The following ASAP1 variants were observed in gnomAD, a reference collection of about 807,000 sequenced individuals.
The protein encoded by ASAP1 is arf-GAP with SH3 domain, ANK repeat and PH domain-containing protein 1.
Under a neutral mutation model 145.2 loss-of-function variants are expected in ASAP1, and 43 were observed. That is an observed-to-expected ratio of 0.30 (90% CI 0.23 to 0.38). The LOEUF is 0.38. Ranked by LOEUF, ASAP1 falls within the 10% of genes least tolerant of loss-of-function variation. The pLI is 1.00. For synonymous variants in ASAP1, 546 were observed against 515.5 expected, an observed-to-expected ratio of 1.06 and a Z score of -0.80; for missense variants, 1,018 against 1,355.3, an observed-to-expected ratio of 0.75 and a Z score of 3.91.
intron 9 of ASAP1, among the ~76,000 whole-genome samples, chr8:130,174,032 G>C (rs936453199): frequency 6.3e-5 from 9 of 143,906 alleles, no homozygotes; most frequent in African/African-American, 2.1e-4. Context: ...AGGGTGCAGT[G>C]AGCAGAAATC....
chr8:130,399,024 G>T (rs753647457), intron 2 of ASAP1, among the ~76,000 whole-genome samples: 36 of 152,214 alleles, frequency 2.4e-4, no homozygotes, highest in Non-Finnish European at 3.2e-4. Flanking sequence ...TGTAGCCAGA[G>T]AACTAAATTC....
At chr8:130,251,377 C>T (rs867706361) in intron 3 of ASAP1, among the ~76,000 whole-genome samples, 19 of 152,088 alleles carry the variant, frequency 1.2e-4, no homozygotes, top group African/African-American at 4.6e-4. Flanking sequence ...GAGGTAGAGC[C>T]ACTGCTCTCA....
chr8:130,138,591 C>T (rs1233961456), intron 13 of ASAP1, among the ~76,000 whole-genome samples: 1 of 152,094 alleles, frequency 6.6e-6, no homozygotes, highest in African/African-American at 2.4e-5. Flanking sequence ...AATCCCAGCA[C>T]TTTGAAAGGC....
intron 1 of ASAP1, among the ~76,000 whole-genome samples, chr8:130,436,676 C>T (rs1830323632): frequency 6.6e-6 from 1 of 152,176 alleles, no homozygotes; most frequent in Non-Finnish European, 1.5e-5. Flanking sequence ...GTGGCTCATG[C>T]TGGTAATCCC....
chr8:130,130,932 A>G (rs1451694583), intron 15 of ASAP1, among the ~76,000 whole-genome samples: 4 of 152,066 alleles, frequency 2.6e-5, no homozygotes, highest in Non-Finnish European at 5.9e-5. Context: ...CAAGGCGGGC[A>G]AATCACGAGG....
chr8:130,418,778 T>G (rs1371305122), intron 1 of ASAP1, among the ~76,000 whole-genome samples: 18 of 2,924 alleles, frequency 6.2e-3, no homozygotes, highest in Admixed American at 6.9e-3. Flanking sequence ...AAATAGGAGT[T>G]TTTTTTTTTT....
intron 1 of ASAP1, among the ~76,000 whole-genome samples, chr8:130,442,556 T>C (rs899043603): frequency 9.2e-5 from 14 of 152,204 alleles, no homozygotes; most frequent in African/African-American, 3.4e-4. Context: ...ATCCAGGTCC[T>C]GATGTCATCC....
chr8:130,391,428 T>C (rs1250306853), intron 2 of ASAP1, among the ~76,000 whole-genome samples: 2 of 152,220 alleles, frequency 1.3e-5, no homozygotes, highest in East Asian at 1.9e-4. Flanking sequence ...CAGTTAACAA[T>C]AGTAATTTTT....
At chr8:130,274,645 C>T (rs1272803819) in intron 3 of ASAP1, among the ~76,000 whole-genome samples, 2 of 152,192 alleles carry the variant, frequency 1.3e-5, no homozygotes, top group Non-Finnish European at 2.9e-5. Flanking sequence ...TACTGGATGA[C>T]ATAATATTTC....
At chr8:130,374,034 T>TAAAAA (rs34199624) in intron 2 of ASAP1, among the ~76,000 whole-genome samples, 9 of 94,398 alleles carry the variant, frequency 9.5e-5, no homozygotes, top group Non-Finnish European at 1.4e-4. Flanking sequence ...TAACTCCCTT[T>TAAAAA]AAAAAAAAAA....
chr8:130,346,695 G>A (rs1238297366), intron 3 of ASAP1, among the ~76,000 whole-genome samples: 2 of 151,114 alleles, frequency 1.3e-5, no homozygotes, highest in East Asian at 3.9e-4. Context: ...AGAAGCCTTG[G>A]GATGTGACAG....
intron 5 of ASAP1, among the ~76,000 whole-genome samples, chr8:130,206,838 T>C (rs959935000): frequency 2.0e-5 from 3 of 151,904 alleles, no homozygotes; most frequent in Admixed American, 1.3e-4. Flanking sequence ...TCCTGACCCA[T>C]TTTGCGGTTT....
intron 3 of ASAP1, among the ~76,000 whole-genome samples, chr8:130,240,425 C>G (rs1285485171): frequency 6.6e-6 from 1 of 152,096 alleles, no homozygotes; most frequent in Non-Finnish European, 1.5e-5. Flanking sequence ...AAGGCTCCCT[C>G]TAGAAATAAT....
At chr8:130,112,946 A>G (rs1478022748) in intron 23 of ASAP1, among the ~76,000 whole-genome samples, 3 of 152,182 alleles carry the variant, frequency 2.0e-5, no homozygotes, top group African/African-American at 7.2e-5. Context: ...TGTCACCTGG[A>G]GTCCCTGGTT....
intron 24 of ASAP1, among the ~76,000 whole-genome samples, chr8:130,104,666 A>G (rs1382810965): frequency 6.6e-6 from 1 of 152,260 alleles, no homozygotes; most frequent in African/African-American, 2.4e-5. Flanking sequence ...TGAAAAAATT[A>G]AATTTATGTT....
chr8:130,118,878 A>C (rs965999428), intron 18 of ASAP1: 1 of 317,048 alleles, frequency 3.2e-6, no homozygotes, highest in Non-Finnish European at 5.7e-6. Context: ...ATATACAAGT[A>C]ATAGATATAG....
intron 5 of ASAP1, among the ~76,000 whole-genome samples, chr8:130,211,242 G>A (rs554689800): frequency 9.2e-5 from 14 of 152,296 alleles, no homozygotes; most frequent in African/African-American, 2.6e-4. Flanking sequence ...CATCAACTGC[G>A]GTATGGGCTC....
chr8:130,346,163 T>A (rs904372197), intron 3 of ASAP1, among the ~76,000 whole-genome samples: 4 of 152,202 alleles, frequency 2.6e-5, no homozygotes, highest in African/African-American at 9.6e-5. Flanking sequence ...AAAACAAGTT[T>A]AAAAACCTAG....
At chr8:130,390,993 G>A (rs1273057163) in intron 2 of ASAP1, among the ~76,000 whole-genome samples, 2 of 147,138 alleles carry the variant, frequency 1.4e-5, no homozygotes, top group African/African-American at 5.2e-5. Context: ...CATATTCATA[G>A]CAGCATAATT....
Sources: gnomAD v4.1 joint callset for allele counts (sites outside exome capture counted in the v4.1 genomes callset) on GRCh38, gnomAD v4.1.1 for gene constraint, MANE v1.5 for transcripts, NCBI Gene and HGNC (gene_info 2026-07-23, HGNC 2026-07-21) for gene names.